Variants in OR6N1 observed in about 807,000 individuals in gnomAD.
The protein encoded by OR6N1 is olfactory receptor 6N1.
For synonymous variants in OR6N1, 170 were observed against 150.7 expected, an observed-to-expected ratio of 1.13 and a Z score of -0.94; for missense variants, 394 against 371.7, an observed-to-expected ratio of 1.06 and a Z score of -0.49.
the OR6N1 span, among the ~76,000 whole-genome samples, chr1:158,827,798 A>G: frequency 6.6e-6 from 1 of 152,214 alleles, no homozygotes; most frequent in East Asian, 1.9e-4. Context: ...TTTCTAAAAA[A>G]GGGCATGTAT....
rs1657278053 is a variant in OR6N1, at chr1:158,766,558, T to C, written c.125A>G (p.Asn42Ser). The C allele has an allele frequency of 6.2e-7, 1 of 1,612,752 alleles. No individual in the cohort carries two copies. Among genetic ancestry groups the C allele is most frequent in the Middle Eastern group, 1.6e-4 (1 of 6,062 alleles). Residue 42 changes from asparagine (N) to serine (S), a missense_variant, in exon 2 of 2, where the codon AAC becomes AGC. Coordinates refer to ENST00000641846, the MANE Select transcript of OR6N1 (RefSeq NM_001005185.2). ...GCAGACCACCAGGAATATCAGCAGG[T>C]TTCCCAACACAGTCATGAGGTAAAT... ...LLIYLMTVLG[N>S]LLIFLVVCLD...
the OR6N1 span, among the ~76,000 whole-genome samples, chr1:158,815,488 T>C: frequency 6.6e-6 from 1 of 152,034 alleles, no homozygotes; most frequent in Non-Finnish European, 1.5e-5. Flanking sequence ...AAGCTATATA[T>C]TAGGTCCTAG....
the OR6N1 span, among the ~76,000 whole-genome samples, chr1:158,790,399 A>AT: frequency 8.0e-6 from 1 of 124,544 alleles, no homozygotes; most frequent in African/African-American, 3.8e-5. Context: ...TTTGATAGGG[A>AT]ATTTTTTTTT....
chr1:158,821,734 G>C, the OR6N1 span, among the ~76,000 whole-genome samples: 1 of 152,086 alleles, frequency 6.6e-6, no homozygotes, highest in Non-Finnish European at 1.5e-5. Context: ...GAGTAAAGAG[G>C]CTATAATCAT....
chr1:158,815,703 T>G, the OR6N1 span, among the ~76,000 whole-genome samples: 3 of 152,358 alleles, frequency 2.0e-5, no homozygotes, highest in South Asian at 6.2e-4. Context: ...ATCTTGTAGA[T>G]AGTGTTTACT....
Position 158,765,572 on chromosome 1 carries a change from CCAG to C in OR6N1, c.*169_*171del. ...CTCTGGTCTCAAGCCAAATGTGGCT[CCAG>C]CAGACAGTATGAAGGTCGCTATAAC... On this transcript the variant is annotated 3_prime_UTR_variant, in exon 2 of 2. Transcript: ENST00000641846. The C allele has an allele frequency of 1.7e-6, 1 of 587,724 alleles. No individual in the cohort carries two copies. 36.4% of individuals were successfully genotyped at this position (587,724 alleles called of 1,614,324 possible). A position where few individuals can be genotyped will look rare whatever the true frequency, so the allele number is the denominator to read the frequency against.
the OR6N1 span, among the ~76,000 whole-genome samples, chr1:158,820,499 G>A: frequency 1.3e-5 from 2 of 152,150 alleles, no homozygotes; most frequent in African/African-American, 4.8e-5. Context: ...AATTTAAGTT[G>A]GCATATAGTA....
chr1:158,806,653 T>C, the OR6N1 span, among the ~76,000 whole-genome samples: 2 of 152,288 alleles, frequency 1.3e-5, no homozygotes, highest in East Asian at 1.9e-4. Flanking sequence ...ATGAAATACT[T>C]AGTATGTGTT....
At chr1:158,779,671 T>C in the OR6N1 span, among the ~76,000 whole-genome samples, 1 of 152,212 alleles carries the variant, frequency 6.6e-6, no homozygotes, top group South Asian at 2.1e-4. Context: ...AGGAGACAGA[T>C]ATGTTAAAAA....
chr1:158,823,920 A>T, the OR6N1 span, among the ~76,000 whole-genome samples: 1 of 152,136 alleles, frequency 6.6e-6, no homozygotes, highest in South Asian at 2.1e-4. Context: ...CTTTGTTCCA[A>T]TTCATTTTAA....
the OR6N1 span, among the ~76,000 whole-genome samples, chr1:158,794,891 T>C: frequency 1.3e-5 from 2 of 152,212 alleles, no homozygotes; most frequent in African/African-American, 4.8e-5. Context: ...GGAATTTGTG[T>C]TTGCCATATG....
the OR6N1 span, among the ~76,000 whole-genome samples, chr1:158,778,609 A>G: frequency 2.1e-3 from 321 of 152,280 alleles, 7 homozygotes; most frequent in African/African-American, 6.9e-3. Flanking sequence ...CTTTTAAAAC[A>G]TAAGTAAAAT....
rs965861554 is a variant in OR6N1 at position 158,770,660 on chromosome 1, T to C, written c.-19+1361A>G. ...CAACAGCTCATAAAAAGAAAAAACC[T>C]TTAAATATCACAAAAAGGAAGGCTA... On this transcript the variant is annotated intron_variant, in intron 1 of 1. Coordinates refer to ENST00000641846, the MANE Select transcript of OR6N1 (RefSeq NM_001005185.2). Among the ~76,000 whole-genome samples, 3 of 144,660 alleles carry C rather than the reference T, an allele frequency of 2.1e-5. 1 individual carries two copies. The highest frequency in any genetic ancestry group is 7.8e-5 in the African/African-American group (3 of 38,576). The allele number at this position is 144,660 out of a possible 152,430, so 94.9% of individuals were successfully genotyped here.
At chr1:158,800,949 C>A in the OR6N1 span, among the ~76,000 whole-genome samples, 2 of 151,328 alleles carry the variant, frequency 1.3e-5, no homozygotes, top group African/African-American at 4.8e-5. Flanking sequence ...CAACTGGGTG[C>A]CCAGTTAGCA....
chr1:158,807,454 C>A, the OR6N1 span, among the ~76,000 whole-genome samples: 1 of 152,170 alleles, frequency 6.6e-6, no homozygotes, highest in East Asian at 1.9e-4. Flanking sequence ...ACTTGGCCCC[C>A]AGTTCAGACA....
the OR6N1 span, among the ~76,000 whole-genome samples, chr1:158,817,607 C>T: frequency 3.7e-4 from 57 of 152,264 alleles, no homozygotes; most frequent in African/African-American, 1.2e-3. Context: ...TGAGTGTGCT[C>T]CTTGCTAGTG....
At chr1:158,833,455 A>C in the OR6N1 span, among the ~76,000 whole-genome samples, 1 of 152,064 alleles carries the variant, frequency 6.6e-6, no homozygotes, top group Non-Finnish European at 1.5e-5. Flanking sequence ...CAAAACTAAA[A>C]CTCTAACCGT....
the OR6N1 span, among the ~76,000 whole-genome samples, chr1:158,805,123 A>G: frequency 7.2e-5 from 11 of 152,196 alleles, no homozygotes; most frequent in African/African-American, 2.4e-4. Flanking sequence ...GCCCAGTACA[A>G]CTGTGGTTTA....
the OR6N1 span, among the ~76,000 whole-genome samples, chr1:158,819,557 C>T: frequency 2.6e-5 from 4 of 152,152 alleles, no homozygotes; most frequent in African/African-American, 9.7e-5. Flanking sequence ...AGTTGCTTGA[C>T]TCCTTCTTTA....
Sources: gnomAD v4.1 joint callset for allele counts (sites outside exome capture counted in the v4.1 genomes callset) on GRCh38, gnomAD v4.1.1 for gene constraint, MANE v1.5 for transcripts, NCBI Gene and HGNC (gene_info 2026-07-23, HGNC 2026-07-21) for gene names.